CACNA1C: variants seen among roughly 807,000 people sequenced by gnomAD.
The protein encoded by CACNA1C is calcium voltage-gated channel subunit alpha1 C.
In CACNA1C, 30 loss-of-function variants were observed where a neutral mutation model predicts 229.0. The ratio of observed to expected loss-of-function variants is 0.13; its 90% confidence interval spans 0.10 to 0.18. CACNA1C has a LOEUF of 0.18. Among genes scored for constraint, CACNA1C ranks in the 10% least tolerant of loss-of-function variants. The probability of loss-of-function intolerance (pLI) is 1.00; values close to 1 mark genes in which losing one functional copy is unlikely to be tolerated. For missense variants in CACNA1C, 1,658 were observed against 2,845.0 expected (o/e 0.58, Z 9.49); for synonymous variants, 1,114 against 1,132.5 (o/e 0.98, Z 0.33).
At chr12:2,008,968 A>T (rs2429131) in intron 1 of CACNA1C, among the ~76,000 whole-genome samples, 115,566 of 152,094 alleles carry the variant, frequency 0.76, 44,969 homozygotes, top group African/African-American at 0.94. Context: ...TCATCACTTA[A>T]CCAAATATAC....
At chr12:2,207,063 A>G (rs941842629) in intron 3 of CACNA1C, among the ~76,000 whole-genome samples, 4 of 151,824 alleles carry the variant, frequency 2.6e-5, no homozygotes, top group African/African-American at 9.7e-5. Context: ...GTCGAGTGTC[A>G]ATAAAGGGGA....
At chr12:2,252,957 A>C (rs7309081) in intron 3 of CACNA1C, among the ~76,000 whole-genome samples, 6,869 of 149,856 alleles carry the variant, frequency 0.046, 180 homozygotes, top group Middle Eastern at 0.073. Context: ...TTTACTCCCT[A>C]CCCCTTGTGT....
intron 3 of CACNA1C, among the ~76,000 whole-genome samples, chr12:2,257,659 G>A (rs980589372): frequency 1.3e-5 from 2 of 152,214 alleles, no homozygotes; most frequent in African/African-American, 2.4e-5. Context: ...GGGGACCCCC[G>A]CTCTAGCGTG....
intron 1 of CACNA1C, among the ~76,000 whole-genome samples, chr12:2,111,515 G>A (rs942792101): frequency 6.6e-6 from 1 of 150,756 alleles, no homozygotes; most frequent in Non-Finnish European, 1.5e-5. Flanking sequence ...GGGGATTAAG[G>A]GCAATGCAGG....
intron 5 of CACNA1C, among the ~76,000 whole-genome samples, chr12:2,473,201 G>A (rs2099602225): frequency 6.6e-6 from 1 of 152,126 alleles, no homozygotes; most frequent in South Asian, 2.1e-4. Context: ...GCTGCTATCT[G>A]ATATGCCTCA....
At chr12:1,987,014 C>T (rs944641425) in intron 1 of CACNA1C, among the ~76,000 whole-genome samples, 8 of 151,956 alleles carry the variant, frequency 5.3e-5, no homozygotes, top group Non-Finnish European at 8.8e-5. Context: ...GGGGATAGAA[C>T]GAAGGAGAGA....
rs149645047 is a variant in CACNA1C at position 1,998,411 on chromosome 12, T to G, written c.139+27210T>G. Among the ~76,000 whole-genome samples the G allele has an allele frequency of 7.2e-5, 11 of 152,342 alleles. No homozygotes were observed. In the East Asian group the frequency reaches 2.1e-3, roughly 29 times the overall value. Reference sequence around the variant, plus strand: ...TTTGTTTTCTGGGTTCATTTTCTCCTGCCATATCCAGTGACTTAGGAGAGC... The same window carrying G: ...TTTGTTTTCTGGGTTCATTTTCTCCGGCCATATCCAGTGACTTAGGAGAGC... On this transcript the variant is annotated intron_variant, in intron 1 of 46. Coordinates refer to the CACNA1C transcript ENST00000682462.
At chr12:2,598,851 G>A (rs1374526117) in intron 21 of CACNA1C, among the ~76,000 whole-genome samples, 9 of 152,252 alleles carry the variant, frequency 5.9e-5, no homozygotes, top group Admixed American at 4.6e-4. Context: ...TGCTAACCAA[G>A]TATGTGGCTC....
intron 3 of CACNA1C, among the ~76,000 whole-genome samples, chr12:2,371,724 C>CTTTTTTTTTTTTTT (rs61627008): frequency 2.3e-5 from 3 of 129,016 alleles, no homozygotes; most frequent in African/African-American, 2.9e-5. Flanking sequence ...TGACATATGG[C>CTTTTTTTTTTTTTT]TTTTTTTTTT....
intron 3 of CACNA1C, among the ~76,000 whole-genome samples, chr12:2,405,168 T>C (rs2098722229): frequency 6.6e-6 from 1 of 152,208 alleles, no homozygotes; most frequent in Non-Finnish European, 1.5e-5. Context: ...TAAATAATTA[T>C]AGGTTCATAG....
Position 2,623,809 on chromosome 12 carries a change from C to T in CACNA1C, c.3829-10488C>T, listed in dbSNP as rs557236991. Among the ~76,000 whole-genome samples, 9 of 152,324 alleles carry T rather than the reference C, an allele frequency of 5.9e-5. 1 individual carries two copies. The South Asian group carries it at 1.9e-3, about 32-fold the overall frequency. ...AAAAGTGACTCCAGCCCCTGGCTCA[C>T]AAGCTCCGGCATCCAGCAAGGACAC... is the stretch of plus-strand genomic sequence containing the variant. On this transcript the variant is annotated intron_variant, in intron 29 of 46. Transcript: ENST00000399655.
At position 2,136,293 on chromosome 12, in the gene CACNA1C, T is replaced by C; in HGVS notation, c.477+15863T>C. ...CGCTGAGAGCTGTAGACCGGAGCTGTTCCTATTCGGCCATCTTGGCTCCTC... is the reference window on the plus strand; with the variant it reads ...CGCTGAGAGCTGTAGACCGGAGCTGCTCCTATTCGGCCATCTTGGCTCCTC... On this transcript the variant is annotated intron_variant, in intron 3 of 46. Transcript: ENST00000399655. 1.3e-5 allele frequency among the ~76,000 whole-genome samples: 2 copies of C among 151,340 alleles called. 1 individual carries two copies. Among genetic ancestry groups the C allele is most frequent in the Non-Finnish European group, 3.0e-5 (2 of 67,630 alleles).
Position 2,388,281 on chromosome 12 carries a change from T to C in CACNA1C, c.478-60695T>C, listed in dbSNP as rs1489411035. ...TGCTCAGGAAGTAGGTCTTATGTGT[T>C]CCCACCACATACACACACAATTTGC... On this transcript the variant is annotated intron_variant, in intron 3 of 46. Transcript: ENST00000399655. 4.6e-5 allele frequency among the ~76,000 whole-genome samples: 7 copies of C among 152,196 alleles called. No homozygotes were observed. In the East Asian group the frequency reaches 1.3e-3, roughly 29 times the overall value.
chr12:1,981,226 T>C (rs1436257500), intron 1 of CACNA1C, among the ~76,000 whole-genome samples: 2 of 152,150 alleles, frequency 1.3e-5, no homozygotes, highest in East Asian at 1.9e-4. Flanking sequence ...CACTCACTGC[T>C]TCGGGTTTCT....
chr12:2,115,178 T>C (rs751076190), intron 1 of CACNA1C, 46 bp from the exon 2 acceptor site: 9 of 1,393,072 alleles, frequency 6.5e-6, no homozygotes, highest in South Asian at 2.9e-5. Context: ...GAAGTGCCCC[T>C]GTTTTCTATC....
Position 2,115,345 on chromosome 12 carries a change from C to T in CACNA1C, c.171C>T (p.Asp57=), listed in dbSNP as rs34419050. The change falls in exon 2 of 47, where the codon GAC becomes GAT. Residue 57 remains aspartate (D), a synonymous_variant. Coordinates refer to ENST00000399655, the MANE Select transcript of CACNA1C (RefSeq NM_000719.7). ...CCCTGTCGTGGCAGGCGGCCATCGA[C>T]GCAGCCCGGCAGGCTAAGCTGATGG... is the stretch of plus-strand genomic sequence containing the variant. ...GAALSWQAAI[D]AARQAKLMGS... 0.023 allele frequency: 36,350 copies of T among 1,588,598 alleles called. 524 individuals carry two copies. Among genetic ancestry groups the T allele is most frequent in the South Asian group, 0.039 (3,428 of 88,102 alleles).
chr12:2,345,226 G>C (rs1369721970), intron 3 of CACNA1C, among the ~76,000 whole-genome samples: 1 of 151,972 alleles, frequency 6.6e-6, no homozygotes, highest in Non-Finnish European at 1.5e-5. Flanking sequence ...ATGTGAGAGA[G>C]TCTATGGGGC....
intron 3 of CACNA1C, among the ~76,000 whole-genome samples, chr12:2,341,006 G>T (rs1567139672): frequency 6.6e-6 from 1 of 152,172 alleles, no homozygotes; most frequent in Non-Finnish European, 1.5e-5. Flanking sequence ...CAGCGATACG[G>T]CAGTAGGCAC....
chr12:2,643,270 A>G (rs2093947316), intron 30 of CACNA1C, among the ~76,000 whole-genome samples: 1 of 152,204 alleles, frequency 6.6e-6, no homozygotes, highest in Admixed American at 6.5e-5. Context: ...GTGGCCCGGG[A>G]CAGAGTCCTT....
Sources: gnomAD v4.1 joint callset for allele counts (sites outside exome capture counted in the v4.1 genomes callset) on GRCh38, gnomAD v4.1.1 for gene constraint, MANE v1.5 for transcripts, NCBI Gene and HGNC (gene_info 2026-07-23, HGNC 2026-07-21) for gene names.